AK4: variants seen among roughly 807,000 people sequenced by gnomAD.
AK4 encodes the protein adenylate kinase 4, mitochondrial.
Under a neutral mutation model 24.6 loss-of-function variants are expected in AK4, and 13 were observed. That is an observed-to-expected ratio of 0.53 (90% confidence interval 0.34 to 0.84). AK4 has a LOEUF of 0.84. Among genes scored for constraint, AK4 ranks in the 40% least tolerant of loss-of-function variants. The probability of loss-of-function intolerance (pLI) is 0.01; values close to 1 mark genes in which losing one functional copy is unlikely to be tolerated. For synonymous variants in AK4, 88 were observed against 107.0 expected (o/e 0.82, Z 1.10); for missense variants, 192 against 288.2 (o/e 0.67, Z 2.42).
At chr1:65,169,062 G>A (rs1378184295) in intron 1 of AK4, among the ~76,000 whole-genome samples, 7 of 151,776 alleles carry the variant, frequency 4.6e-5, no homozygotes, top group Non-Finnish European at 7.4e-5. Context: ...GGTAGTCCCA[G>A]CTACTAGGGC....
intron 1 of AK4, among the ~76,000 whole-genome samples, chr1:65,162,316 T>C (rs896120668): frequency 6.6e-6 from 1 of 151,654 alleles, no homozygotes; most frequent in Non-Finnish European, 1.5e-5. Flanking sequence ...TCTCAGTAAG[T>C]GGAGAGGATG....
rs1204607179 is a variant in AK4, at chr1:65,226,799, AT to A, written c.*625del. On this transcript the variant is annotated 3_prime_UTR_variant, in exon 5 of 5. Transcript: ENST00000327299. ...TTTTCAGACATCCTGGGATGAAAGAATTTGGCTTTTTTTTTTCTTTTTTTTT... is the reference window on the plus strand; with the variant it reads ...TTTTCAGACATCCTGGGATGAAAGAATTGGCTTTTTTTTTTCTTTTTTTTT... The A allele has an allele frequency of 1.3e-5, 2 of 148,550 alleles. No homozygotes were observed. The highest frequency in any genetic ancestry group is 3.0e-5 in the Non-Finnish European group (2 of 67,390). The allele number at this position is 148,550 out of a possible 1,614,324, so 9.2% of individuals were successfully genotyped here.
At position 65,190,454 on chromosome 1, in the gene AK4, G is replaced by GT. The variant is rs573085571; in HGVS notation, c.146-256_146-255insT. 1.6e-4 allele frequency among the ~76,000 whole-genome samples: 24 copies of GT among 147,584 alleles called. No homozygotes were observed. In the South Asian group the frequency reaches 5.4e-3, roughly 33 times the overall value. ...TGTTTCTTTCTTCCTTTTTTTGGGG[G>GT]GGGGGCGGGAGGAGGGGTGGTGCTA... is the stretch of plus-strand genomic sequence containing the variant. On this transcript the variant is annotated intron_variant, in intron 1 of 4. Transcript: ENST00000327299.
At chr1:65,215,149 CT>C (rs1214976472) in intron 2 of AK4, among the ~76,000 whole-genome samples, 6 of 149,130 alleles carry the variant, frequency 4.0e-5, no homozygotes. Context: ...GATTTTTTTT[CT>C]TTTCTTTTCT....
At chr1:65,200,806 T>TC (rs1275760837) in intron 2 of AK4, among the ~76,000 whole-genome samples, 1 of 151,742 alleles carries the variant, frequency 6.6e-6, no homozygotes, top group South Asian at 2.1e-4. Flanking sequence ...GGGTTTTGTT[T>TC]TTTTTTTTTG....
Position 65,226,431 on chromosome 1 carries a change from G to A in AK4, c.*254G>A. The A allele has an allele frequency of 2.7e-6, 1 of 372,128 alleles. No individual in the cohort carries two copies. Among genetic ancestry groups the A allele is most frequent in the Non-Finnish European group, 4.9e-6 (1 of 205,416 alleles). 23.1% of individuals were successfully genotyped at this position (372,128 alleles called of 1,614,324 possible). On this transcript the variant is annotated 3_prime_UTR_variant, in exon 5 of 5. Transcript: ENST00000327299. ...TCTCAAGCCCATCACAAGAAAGCAA[G>A]TACAGTGTGGATTTCAAATGGTGTG...
Position 65,218,893 on chromosome 1 carries a change from A to G in AK4, c.405A>G (p.Val135=), listed in dbSNP as rs1316692878. 9.4e-6 allele frequency: 15 copies of G among 1,600,238 alleles called. No homozygotes were observed. The highest frequency in any genetic ancestry group is 6.8e-6 in the Non-Finnish European group (8 of 1,174,736). ...GGATTCACCCTCCTAGCGGAAGGGT[A>G]TATAACCTGGACTTCAATCCACCTC... ...RRWIHPPSGR[V]YNLDFNPPHV... is the part of the protein sequence containing the mutation. Residue 135 remains valine (V), a synonymous_variant, in exon 3 of 5, where the codon GTA becomes GTG. Coordinates refer to ENST00000327299, the MANE Select transcript of AK4 (RefSeq NM_013410.4).
At chr1:65,165,399 G>C (rs1650295577) in intron 1 of AK4, among the ~76,000 whole-genome samples, 1 of 152,034 alleles carries the variant, frequency 6.6e-6, no homozygotes, top group African/African-American at 2.4e-5. Context: ...GGAACTTTGT[G>C]AGGTGAGATG....
chr1:65,216,753 AG>A (rs1652146750), intron 2 of AK4, among the ~76,000 whole-genome samples: 1 of 140,938 alleles, frequency 7.1e-6, no homozygotes, highest in South Asian at 2.1e-4. Context: ...GGAGTGCAGT[AG>A]TGTGATTGTA....
At chr1:65,149,363 G>T (rs1370341126) in intron 1 of AK4, among the ~76,000 whole-genome samples, 1 of 152,144 alleles carries the variant, frequency 6.6e-6, no homozygotes, top group African/African-American at 2.4e-5. Context: ...GGTTGAGTGC[G>T]TCCCTTTCCC....
chr1:65,203,314 A>G (rs1651719907), intron 2 of AK4, among the ~76,000 whole-genome samples: 1 of 152,184 alleles, frequency 6.6e-6, no homozygotes, highest in South Asian at 2.1e-4. Context: ...AGGTCATCAA[A>G]TGGTAGACAT....
chr1:65,198,191 C>G (rs1362307087), intron 2 of AK4, among the ~76,000 whole-genome samples: 1 of 152,136 alleles, frequency 6.6e-6, no homozygotes, highest in Non-Finnish European at 1.5e-5. Context: ...ATTCTGGTAT[C>G]TTGAATGGAA....
Position 65,213,567 on chromosome 1 carries a change from G to T in AK4, c.266-5187G>T, listed in dbSNP as rs112370640. The stretch of plus-strand genomic sequence containing the variant: ...CTGCGTTTTTATTGAATTGGGAAAT[G>T]AGCTGAGCTCCTAGGTGAGCTCTAC... On this transcript the variant is annotated intron_variant, in intron 2 of 4. Coordinates refer to ENST00000327299, the MANE Select transcript of AK4 (RefSeq NM_013410.4). 4.0e-4 allele frequency among the ~76,000 whole-genome samples: 61 copies of T among 152,330 alleles called. 2 individuals carry two copies. The highest frequency in any genetic ancestry group is 1.4e-3 in the African/African-American group (57 of 41,576).
chr1:65,200,569 A>G (rs1651632098), intron 2 of AK4, among the ~76,000 whole-genome samples: 1 of 152,240 alleles, frequency 6.6e-6, no homozygotes, highest in Non-Finnish European at 1.5e-5. Flanking sequence ...CAAAGTACAC[A>G]GCCTGATCAG....
At chr1:65,154,197 A>G (rs10789171) in intron 1 of AK4, among the ~76,000 whole-genome samples, 43,827 of 151,980 alleles carry the variant, frequency 0.29, 6,881 homozygotes, top group East Asian at 0.53. Context: ...GAGGAGAGAA[A>G]TAAAGGGATT....
At chr1:65,220,510 C>T (rs1025735437) in intron 3 of AK4, among the ~76,000 whole-genome samples, 2 of 152,166 alleles carry the variant, frequency 1.3e-5, no homozygotes, top group African/African-American at 4.8e-5. Flanking sequence ...GAGTCTCGCT[C>T]CATCACCCAG....
At chr1:65,194,234 T>C (rs1651400759) in intron 2 of AK4, among the ~76,000 whole-genome samples, 1 of 152,260 alleles carries the variant, frequency 6.6e-6, no homozygotes, top group African/African-American at 2.4e-5. Flanking sequence ...GCTTGAAAGC[T>C]TTACTGCTTA....
At chr1:65,183,838 G>T (rs1650997756) in intron 1 of AK4, among the ~76,000 whole-genome samples, 1 of 152,150 alleles carries the variant, frequency 6.6e-6, no homozygotes, top group South Asian at 2.1e-4. Context: ...GCAGTTGACA[G>T]TGTTTTGGCA....
chr1:65,227,410 A>G lies in AK4; in HGVS notation c.*1233A>G, dbSNP rs1430393956. ...TTTTTTTTTTCTGTTCCAAAGATTC[A>G]TCCTATGGGGTGGCCATAAAGTCTA... is the stretch of plus-strand genomic sequence containing the variant. On this transcript the variant is annotated 3_prime_UTR_variant, in exon 5 of 5. Coordinates refer to ENST00000327299, the MANE Select transcript of AK4 (RefSeq NM_013410.4). The G allele has an allele frequency of 2.6e-5, 4 of 152,448 alleles. No individual in the cohort carries two copies. The highest frequency in any genetic ancestry group is 2.0e-4 in the Admixed American group (3 of 15,264). The allele number at this position is 152,448 out of a possible 1,614,324, so 9.4% of individuals were successfully genotyped here. A position where few individuals can be genotyped will look rare whatever the true frequency, so the allele number is the denominator to read the frequency against.
Sources: gnomAD v4.1 joint callset for allele counts (sites outside exome capture counted in the v4.1 genomes callset) on GRCh38, gnomAD v4.1.1 for gene constraint, MANE v1.5 for transcripts, NCBI Gene and HGNC (gene_info 2026-07-23, HGNC 2026-07-21) for gene names.